TTC29: variants seen among roughly 807,000 people sequenced by gnomAD.
TTC29 encodes tetratricopeptide repeat protein 29.
In TTC29, 49 loss-of-function variants were observed where a neutral mutation model predicts 58.1. The ratio of observed to expected loss-of-function variants is 0.84; its 90% CI spans 0.67 to 1.07. The LOEUF (loss-of-function observed/expected upper bound fraction) is 1.07. Among genes scored for constraint, TTC29 ranks in the 50% least tolerant of loss-of-function variants. The pLI, the probability that TTC29 is intolerant of heterozygous loss-of-function variation, is 0.00. For missense variants in TTC29, 582 were observed against 555.6 expected (o/e 1.05, Z -0.48); for synonymous variants, 209 against 196.8 (o/e 1.06, Z -0.52).
chr4:146,839,758 G>A (rs1509335), intron 8 of TTC29, among the ~76,000 whole-genome samples: 18,298 of 151,120 alleles, frequency 0.12, 1,801 homozygotes, highest in African/African-American at 0.26. Context: ...TTGAGTAAAA[G>A]TTCTTCCTTG....
chr4:146,756,692 T>C (rs1416633688), intron 11 of TTC29, among the ~76,000 whole-genome samples: 2 of 151,854 alleles, frequency 1.3e-5, no homozygotes, highest in Non-Finnish European at 2.9e-5. Flanking sequence ...TTTAACATAA[T>C]CCCAGACTTC....
chr4:146,765,574 T>C (rs1322414960), intron 11 of TTC29, among the ~76,000 whole-genome samples: 2 of 152,152 alleles, frequency 1.3e-5, no homozygotes, highest in Non-Finnish European at 2.9e-5. Flanking sequence ...AAAATGAGAA[T>C]ATCGTCTGTA....
chr4:146,915,420 C>T (rs1281829190), intron 4 of TTC29, among the ~76,000 whole-genome samples: 1 of 151,964 alleles, frequency 6.6e-6, no homozygotes, highest in Non-Finnish European at 1.5e-5. Context: ...TTTTGTGACT[C>T]CCCCAGAAAA....
At chr4:146,806,326 G>A (rs1032657398) in intron 10 of TTC29, among the ~76,000 whole-genome samples, 3 of 152,146 alleles carry the variant, frequency 2.0e-5, no homozygotes, top group Non-Finnish European at 2.9e-5. Context: ...TGCATCAACT[G>A]ATGGGCAAAA....
At chr4:146,758,531 A>C (rs1746624326) in intron 11 of TTC29, among the ~76,000 whole-genome samples, 1 of 152,136 alleles carries the variant, frequency 6.6e-6, no homozygotes, top group African/African-American at 2.4e-5. Flanking sequence ...ACAACCACAG[A>C]ATACACATTC....
chr4:146,748,867 T>G (rs566452925), intron 11 of TTC29, among the ~76,000 whole-genome samples: 5 of 151,994 alleles, frequency 3.3e-5, no homozygotes, highest in Non-Finnish European at 1.5e-5. Flanking sequence ...AAAAACACAA[T>G]AATTCTCTAG....
chr4:146,812,241 A>G (rs1322346790), intron 10 of TTC29, among the ~76,000 whole-genome samples: 2 of 152,168 alleles, frequency 1.3e-5, no homozygotes, highest in Non-Finnish European at 2.9e-5. Context: ...TTTTTTAGAA[A>G]CAAAAGTATA....
chr4:146,818,378 A>T (rs1445641445), intron 10 of TTC29, among the ~76,000 whole-genome samples: 3 of 152,226 alleles, frequency 2.0e-5, no homozygotes, highest in Non-Finnish European at 4.4e-5. Flanking sequence ...TCAAAACCAC[A>T]ATGAGATACC....
chr4:146,721,997 A>G (rs1743395567), intron 11 of TTC29, among the ~76,000 whole-genome samples: 1 of 152,198 alleles, frequency 6.6e-6, no homozygotes, highest in Non-Finnish European at 1.5e-5. Flanking sequence ...AAAAATCAGT[A>G]GCATTTCTAT....
At chr4:146,725,082 T>C (rs1743669721) in intron 11 of TTC29, among the ~76,000 whole-genome samples, 1 of 152,198 alleles carries the variant, frequency 6.6e-6, no homozygotes, top group Non-Finnish European at 1.5e-5. Context: ...TCTGCCTCCT[T>C]CAAATTTAAC....
chr4:146,832,335 T>C (rs1314710565), intron 9 of TTC29, among the ~76,000 whole-genome samples: 2 of 152,160 alleles, frequency 1.3e-5, no homozygotes, highest in Non-Finnish European at 2.9e-5. Context: ...GGGTTGTTGT[T>C]TGGAAGTAAA....
chr4:146,809,046 T>C (rs1426800590), intron 10 of TTC29, among the ~76,000 whole-genome samples: 1 of 145,348 alleles, frequency 6.9e-6, no homozygotes, highest in Non-Finnish European at 1.5e-5. Flanking sequence ...GAGATATAGA[T>C]CAATGGAAAA....
chr4:146,804,313 G>C (rs1401528709), intron 10 of TTC29, among the ~76,000 whole-genome samples: 3 of 152,152 alleles, frequency 2.0e-5, no homozygotes, highest in South Asian at 2.1e-4. Context: ...CGGCTGTTTG[G>C]GTAGACACTG....
At chr4:146,768,023 C>A (rs999796442) in intron 11 of TTC29, among the ~76,000 whole-genome samples, 2 of 152,012 alleles carry the variant, frequency 1.3e-5, no homozygotes, top group Non-Finnish European at 1.5e-5. Context: ...GCAATTCCTA[C>A]ACCAATTTTC....
At chr4:146,929,158 A>G (rs1735140331) in intron 4 of TTC29, among the ~76,000 whole-genome samples, 1 of 152,242 alleles carries the variant, frequency 6.6e-6, no homozygotes, top group Admixed American at 6.5e-5. Flanking sequence ...CTTTCAATAT[A>G]TAAACCTAGA....
intron 11 of TTC29, among the ~76,000 whole-genome samples, chr4:146,728,836 C>CACACATATATGTGTATATAT (rs1744069035): frequency 1.0e-5 from 1 of 98,714 alleles, no homozygotes; most frequent in Non-Finnish European, 2.0e-5. Context: ...CATATATATA[C>CACACATATATGTGTATATAT]ACATATATAT....
At position 146,870,485 on chromosome 4, in the gene TTC29, A is replaced by G. The variant is rs188358307; in HGVS notation, c.800-2902T>C. Among the ~76,000 whole-genome samples the G allele has an allele frequency of 1.5e-3, 229 of 152,120 alleles. 2 individuals are homozygous for G. Among genetic ancestry groups the G allele is most frequent in the African/African-American group, 4.0e-3 (168 of 41,548 alleles). ...TCAAACAGAGGGAAGGAAATAGGAAAAACTTGAGTGGAAATGAATAACATA... is the reference window on the plus strand; with the variant it reads ...TCAAACAGAGGGAAGGAAATAGGAAGAACTTGAGTGGAAATGAATAACATA... On this transcript the variant is annotated intron_variant, in intron 7 of 12. Transcript: ENST00000325106.
At chr4:146,785,003 G>A (rs1229529300) in intron 11 of TTC29, among the ~76,000 whole-genome samples, 1 of 152,096 alleles carries the variant, frequency 6.6e-6, no homozygotes, top group Non-Finnish European at 1.5e-5. Context: ...AGAGGCTATT[G>A]AGTTTGTAAG....
At chr4:146,854,339 CT>C (rs886222573) in intron 8 of TTC29, among the ~76,000 whole-genome samples, 2 of 152,092 alleles carry the variant, frequency 1.3e-5, no homozygotes, top group African/African-American at 4.8e-5. Context: ...GCCTTGTAAG[CT>C]TTTATGAAAT....
Sources: gnomAD v4.1 joint callset for allele counts (sites outside exome capture counted in the v4.1 genomes callset) on GRCh38, gnomAD v4.1.1 for gene constraint, MANE v1.5 for transcripts, NCBI Gene and HGNC (gene_info 2026-07-23, HGNC 2026-07-21) for gene names.